Variants in CDH1 observed in about 807,000 individuals in gnomAD.
CDH1 encodes cadherin 1.
CDH1 carries 35 observed loss-of-function variants against 84.5 expected under a neutral mutation model. The ratio of observed to expected loss-of-function variants is 0.41; its 90% confidence interval spans 0.32 to 0.55. The LOEUF is 0.55. CDH1 is among the 20% of genes least tolerant of loss of function. The pLI is 0.19. For missense variants in CDH1, 994 were observed against 1,126.6 expected (o/e 0.88, Z 1.68); for synonymous variants, 417 against 439.0 (o/e 0.95, Z 0.63).
chr16:68,788,109 G>A lies in CDH1; in HGVS notation c.164-13561G>A, dbSNP rs184203171. On this transcript the variant is annotated intron_variant, in intron 2 of 15. Coordinates refer to ENST00000261769, the MANE Select transcript of CDH1 (RefSeq NM_004360.5). ...CCCAAAGTGCTGGGATTACAGGTGT[G>A]AGCCACCGCACCCAGCCTACTGTTA... 1.6e-3 allele frequency among the ~76,000 whole-genome samples: 239 copies of A among 152,260 alleles called. 1 individual carries two copies. Among genetic ancestry groups the A allele is most frequent in the African/African-American group, 4.4e-3 (184 of 41,544 alleles).
chr16:68,757,205 C>T (rs1311543728), intron 2 of CDH1, among the ~76,000 whole-genome samples: 5 of 152,122 alleles, frequency 3.3e-5, no homozygotes, highest in Non-Finnish European at 7.3e-5. Flanking sequence ...TCTCCTTCCT[C>T]AGCCTCCCGA....
intron 5 of CDH1, 80 bp from the exon 6 acceptor site, chr16:68,810,117 G>A (rs548447505): frequency 2.0e-5 from 29 of 1,486,184 alleles, no homozygotes; most frequent in Non-Finnish European, 2.3e-5. Flanking sequence ...CCAGGGGGGC[G>A]CACTCTGCTC....
intron 2 of CDH1, among the ~76,000 whole-genome samples, chr16:68,773,190 C>G (rs143953450): frequency 6.6e-6 from 1 of 151,928 alleles, no homozygotes; most frequent in East Asian, 1.9e-4. Context: ...TGTGTGTTCC[C>G]GTGCTTCAGC....
rs370368644 is a variant in CDH1 at position 68,815,565 on chromosome 16, G to A, written c.1371G>A (p.Thr457=). Residue 457 remains threonine (T), a synonymous_variant, in exon 10 of 16, where the codon ACG becomes ACA. Coordinates refer to ENST00000261769, the MANE Select transcript of CDH1 (RefSeq NM_004360.5). ...KQQYILHVAV[T]NVVPFEVSLT... is the part of the protein sequence containing the mutation. ...AGTACATTCTACACGTAGCAGTGAC[G>A]AATGTGGTACCTTTTGAGGTCTCTC... 8.1e-6 allele frequency: 13 copies of A among 1,614,088 alleles called. No individual in the cohort carries two copies. Among genetic ancestry groups the A allele is most frequent in the African/African-American group, 8.0e-5 (6 of 74,928 alleles).
At chr16:68,775,471 TGAGAA>T (rs952790998) in intron 2 of CDH1, among the ~76,000 whole-genome samples, 12 of 152,316 alleles carry the variant, frequency 7.9e-5, no homozygotes, top group African/African-American at 2.6e-4. Context: ...GAAGGGAACA[TGAGAA>T]GAGAAGGTGG....
intron 13 of CDH1, among the ~76,000 whole-genome samples, chr16:68,826,917 T>C (rs1596969324): frequency 6.6e-6 from 1 of 152,148 alleles, no homozygotes; most frequent in East Asian, 1.9e-4. Context: ...GTTTTAGAAA[T>C]AGGTAGTTGA....
Position 68,747,302 on chromosome 16 carries a change from G to C in CDH1, c.163+8891G>C, listed in dbSNP as rs1428567563. ...CAGAAGGCTGGAGCTGTGCCTTCCT[G>C]GGCACAGAAAGAGGAGGGAGGAGAG... On this transcript the variant is annotated intron_variant, in intron 2 of 15. Transcript: ENST00000261769. 7.2e-5 allele frequency among the ~76,000 whole-genome samples: 11 copies of C among 152,248 alleles called. No homozygotes were observed. In the East Asian group the frequency reaches 1.9e-3, roughly 27 times the overall value.
chr16:68,804,103 T>C (rs1462421773), intron 3 of CDH1, among the ~76,000 whole-genome samples: 2 of 39,900 alleles, frequency 5.0e-5, no homozygotes, highest in Non-Finnish European at 1.2e-4. Context: ...TCTGTCTGCC[T>C]TTTTTTTTTT....
At chr16:68,755,317 G>A (rs1393990210) in intron 2 of CDH1, among the ~76,000 whole-genome samples, 2 of 142,718 alleles carry the variant, frequency 1.4e-5, no homozygotes, top group African/African-American at 5.2e-5. Flanking sequence ...GAATTGGACT[G>A]TATCTTGAGG....
intron 2 of CDH1, among the ~76,000 whole-genome samples, chr16:68,757,976 T>C (rs1028314309): frequency 5.4e-5 from 8 of 148,282 alleles, no homozygotes; most frequent in African/African-American, 1.7e-4. Context: ...TCTTTTTTTT[T>C]TTTTTTTTTG....
At chr16:68,822,619 G>C in intron 12 of CDH1, 1 of 433,646 alleles carries the variant, frequency 2.3e-6, no homozygotes, top group Non-Finnish European at 4.4e-6. Flanking sequence ...ATTCTACCGA[G>C]GTGGAGGCAG....
In CDH1 at chr16:68,833,513, G is replaced by C. The variant is rs1031814673; in HGVS notation, c.*14G>C. 32 of 1,608,540 alleles carry C rather than the reference G, an allele frequency of 2.0e-5. No homozygotes were observed. The highest frequency in any genetic ancestry group is 2.6e-5 in the Non-Finnish European group (31 of 1,175,928). On this transcript the variant is annotated 3_prime_UTR_variant, in exon 16 of 16. Transcript: ENST00000261769. ...GAGGACGACTAGGGGACTCGAGAGAGGCGGGCCCCAGACCCATGTGCTGGG... is the reference window on the plus strand; with the variant it reads ...GAGGACGACTAGGGGACTCGAGAGACGCGGGCCCCAGACCCATGTGCTGGG...
chr16:68,796,175 A>G (rs963459955), intron 2 of CDH1, among the ~76,000 whole-genome samples: 3 of 152,204 alleles, frequency 2.0e-5, no homozygotes, highest in Admixed American at 2.0e-4. Flanking sequence ...AAAACAAAAA[A>G]AAAAGAATTG....
chr16:68,776,422 G>A (rs1243805825), intron 2 of CDH1, among the ~76,000 whole-genome samples: 1 of 152,162 alleles, frequency 6.6e-6, no homozygotes, highest in Non-Finnish European at 1.5e-5. Context: ...GTGCACAGCA[G>A]GAGTCCAATA....
At chr16:68,809,064 G>A (rs565212915) in intron 5 of CDH1, 12 of 582,004 alleles carry the variant, frequency 2.1e-5, no homozygotes, top group African/African-American at 1.5e-4. Context: ...AGGAGAATCC[G>A]CATGCATCCT....
intron 2 of CDH1, among the ~76,000 whole-genome samples, chr16:68,751,182 A>G (rs1010979762): frequency 6.6e-6 from 1 of 152,120 alleles, no homozygotes; most frequent in Non-Finnish European, 1.5e-5. Flanking sequence ...CAAATTACCC[A>G]TGGTTCCCCA....
At chr16:68,820,136 C>G (rs1352399732) in intron 11 of CDH1, among the ~76,000 whole-genome samples, 1 of 151,862 alleles carries the variant, frequency 6.6e-6, no homozygotes, top group Non-Finnish European at 1.5e-5. Context: ...AAGGTGGAGG[C>G]TGCAGTGAGC....
intron 2 of CDH1, among the ~76,000 whole-genome samples, chr16:68,752,591 T>G (rs995697919): frequency 2.0e-5 from 3 of 152,104 alleles, no homozygotes; most frequent in Admixed American, 6.5e-5. Context: ...CTGTAGTTGT[T>G]TTTTTCTTTT....
chr16:68,794,403 T>A (rs1960298974), intron 2 of CDH1, among the ~76,000 whole-genome samples: 2 of 152,190 alleles, frequency 1.3e-5, no homozygotes, highest in Non-Finnish European at 2.9e-5. Context: ...CAAGTGAGAG[T>A]CAGTGTTCCT....
Sources: allele counts gnomAD v4.1 joint callset (sites outside exome capture counted in the v4.1 genomes callset), GRCh38; gene constraint gnomAD v4.1.1; transcripts MANE v1.5; gene names NCBI Gene and HGNC (gene_info 2026-07-23, HGNC 2026-07-21).